Variants in HEATR4 observed in about 807,000 individuals in gnomAD.
The protein encoded by HEATR4 is HEAT repeat-containing protein 4.
Under a neutral mutation model 108.8 loss-of-function variants are expected in HEATR4, and 95 were observed. That is an observed-to-expected ratio of 0.87 (90% CI 0.74 to 1.04). The LOEUF (loss-of-function observed/expected upper bound fraction) is 1.04. Ranked by LOEUF, HEATR4 falls within the 50% of genes least tolerant of loss-of-function variation. The pLI is 0.00. For missense variants in HEATR4, 1,152 were observed against 1,253.8 expected (o/e 0.92, Z 1.23); for synonymous variants, 443 against 459.4 (o/e 0.96, Z 0.46).
rs536567359 is a variant in HEATR4 at position 73,546,273 on chromosome 14, A to C, written c.-152+12478T>G. Among the ~76,000 whole-genome samples, 780 of 114,608 alleles carry C rather than the reference A, an allele frequency of 6.8e-3. 243 individuals are homozygous for C. Among genetic ancestry groups the C allele is most frequent in the Admixed American group, 0.012 (122 of 10,134 alleles). The allele number at this position is 114,608 out of a possible 152,430, so 75.2% of individuals were successfully genotyped here. On this transcript the variant is annotated intron_variant, in intron 1 of 17. Transcript: ENST00000553558. ...CAGGATTATAGGCGTGAGCCACCGC[A>C]CTTGGCAAAAAAATGTTTTAATAAC...
the HEATR4 span, among the ~76,000 whole-genome samples, chr14:73,626,875 G>T: frequency 7.3e-6 from 1 of 137,852 alleles, no homozygotes; most frequent in African/African-American, 2.8e-5. Context: ...CTCAGCTCAC[G>T]GCAACCTCTG....
chr14:73,562,348 C>T (rs1296337992), upstream of HEATR4, among the ~76,000 whole-genome samples: 9 of 151,990 alleles, frequency 5.9e-5, no homozygotes, highest in Non-Finnish European at 4.4e-5. Context: ...CTGTTATGTT[C>T]GTAAGCTGAG....
chr14:73,612,102 T>G, the HEATR4 span, among the ~76,000 whole-genome samples: 3 of 151,878 alleles, frequency 2.0e-5, no homozygotes, highest in Non-Finnish European at 4.4e-5. Context: ...AGTACAATGG[T>G]GCAATCTTGG....
the HEATR4 span, chr14:73,617,310 C>T: frequency 1.4e-6 from 2 of 1,396,726 alleles, no homozygotes; most frequent in Non-Finnish European, 2.0e-6. Flanking sequence ...TACCAAGTCT[C>T]CTTCAAAGGT....
upstream of HEATR4, among the ~76,000 whole-genome samples, chr14:73,562,258 A>G (rs1889541033): frequency 6.6e-6 from 1 of 151,948 alleles, no homozygotes; most frequent in Admixed American, 6.6e-5. Context: ...AATTGTGAAG[A>G]TTTCATCTTA....
the HEATR4 span, among the ~76,000 whole-genome samples, chr14:73,608,006 G>T: frequency 6.9e-6 from 1 of 144,298 alleles, no homozygotes; most frequent in East Asian, 2.1e-4. Context: ...CTCACTGCAA[G>T]CTCCGCCTCC....
the HEATR4 span, chr14:73,595,855 G>T: frequency 3.1e-5 from 16 of 507,940 alleles, no homozygotes; most frequent in South Asian, 6.5e-4. Context: ...AGAGGCATAT[G>T]ACACATATAA....
chr14:73,571,128 A>G, the HEATR4 span: 1 of 151,962 alleles, frequency 6.6e-6, no homozygotes, highest in African/African-American at 2.4e-5. Flanking sequence ...TGCCCCCTGC[A>G]GGGCCTGTTC....
At chr14:73,598,996 T>C in the HEATR4 span, among the ~76,000 whole-genome samples, 1 of 151,884 alleles carries the variant, frequency 6.6e-6, no homozygotes, top group South Asian at 2.1e-4. Flanking sequence ...ACAGCGAGAC[T>C]GTCTCAAAAA....
At chr14:73,517,431 C>A in intron 5 of HEATR4, 1 of 152,162 alleles carries the variant, frequency 6.6e-6, no homozygotes, top group Non-Finnish European at 1.5e-5. Context: ...AGTTCCAACA[C>A]TTTGGGAGTC....
the HEATR4 span, chr14:73,619,871 A>C: frequency 6.5e-7 from 1 of 1,529,282 alleles, no homozygotes; most frequent in Non-Finnish European, 8.7e-7. Flanking sequence ...ACCATTAATA[A>C]AAATCCTATT....
chr14:73,621,761 C>CT, the HEATR4 span, among the ~76,000 whole-genome samples: 5,441 of 109,470 alleles, frequency 0.05, 364 homozygotes, highest in African/African-American at 0.14. Flanking sequence ...TTCTTTCTTT[C>CT]TTTTTTTTTT....
chr14:73,531,278 T>C (rs1281262932), intron 1 of HEATR4: 1 of 113,354 alleles, frequency 8.8e-6, no homozygotes, highest in African/African-American at 2.9e-5. Context: ...TAGAATTCCA[T>C]GAGTCTACTC....
the HEATR4 span, chr14:73,569,784 C>T: frequency 6.2e-7 from 1 of 1,605,278 alleles, no homozygotes; most frequent in Non-Finnish European, 8.5e-7. Flanking sequence ...CGGGCGGCTG[C>T]TGTGCCAGAC....
chr14:73,499,384 G>A (rs958072048), intron 12 of HEATR4, among the ~76,000 whole-genome samples: 1 of 152,142 alleles, frequency 6.6e-6, no homozygotes, highest in African/African-American at 2.4e-5. Flanking sequence ...GGAGGCTGAG[G>A]TAGGAGAATT....
In HEATR4 at chr14:73,478,511, C is replaced by T; in HGVS notation, c.*95G>A. The T allele has an allele frequency of 1.3e-6, 1 of 795,196 alleles. No individual in the cohort carries two copies. The highest frequency in any genetic ancestry group is 2.4e-5 in the East Asian group (1 of 40,886). 49.3% of individuals were successfully genotyped at this position (795,196 alleles called of 1,614,324 possible). On this transcript the variant is annotated 3_prime_UTR_variant, in exon 18 of 18. Transcript: ENST00000553558. ...CTGTTAAATAATTTCTCTTTATAAA[C>T]ATAGTGACAACAAGATTGTACAGTA... is the stretch of plus-strand genomic sequence containing the variant.
chr14:73,561,188 A>G (rs183074618), upstream of HEATR4, among the ~76,000 whole-genome samples: 27 of 151,848 alleles, frequency 1.8e-4, no homozygotes, highest in African/African-American at 5.8e-4. Context: ...CAACATGGTG[A>G]AACTCCATCT....
chr14:73,612,950 C>T, the HEATR4 span: 1 of 1,267,912 alleles, frequency 7.9e-7, no homozygotes, highest in Non-Finnish European at 1.0e-6. Flanking sequence ...GCAGAACAAG[C>T]GCGACTTTCT....
At chr14:73,527,636 G>A (rs1888416540) in intron 2 of HEATR4, among the ~76,000 whole-genome samples, 1 of 151,814 alleles carries the variant, frequency 6.6e-6, no homozygotes, top group Non-Finnish European at 1.5e-5. Flanking sequence ...AGCAGAATTG[G>A]TCAAGCAGAA....
Sources: gnomAD v4.1 joint callset for allele counts (sites outside exome capture counted in the v4.1 genomes callset) on GRCh38, gnomAD v4.1.1 for gene constraint, MANE v1.5 for transcripts, NCBI Gene and HGNC (gene_info 2026-07-23, HGNC 2026-07-21) for gene names.